KCNC1: variants seen among roughly 807,000 people sequenced by gnomAD.
KCNC1 encodes voltage-gated potassium channel KCNC1.
KCNC1 carries 8 observed loss-of-function variants against 43.4 expected under a neutral mutation model. That is an observed-to-expected ratio of 0.18 (90% CI 0.11 to 0.33). The LOEUF is 0.33. Ranked by LOEUF, KCNC1 falls within the 10% of genes least tolerant of loss-of-function variation. KCNC1 has a pLI of 1.00. For missense variants in KCNC1, 420 were observed against 836.0 expected, an observed-to-expected ratio of 0.50 and a Z score of 6.14; for synonymous variants, 361 against 360.5, an observed-to-expected ratio of 1.00 and a Z score of -0.01.
Position 17,779,310 on chromosome 11 carries a change from C to T in KCNC1, c.1505-146C>T. 1 of 636,878 alleles carries T rather than the reference C, an allele frequency of 1.6e-6. No homozygotes were observed. Among genetic ancestry groups the T allele is most frequent in the South Asian group, 2.2e-5 (1 of 44,702 alleles). The allele number at this position is 636,878 out of a possible 1,614,324, so 39.5% of individuals were successfully genotyped here. The stretch of plus-strand genomic sequence containing the variant: ...CCCCACCAAGCCCCCTGCCTTGTGC[C>T]CTCCTCGCTCCACAGCCTGCCCGCT... On this transcript the variant is annotated intron_variant, in intron 2 of 3. Transcript: ENST00000265969. The surrounding 1 kb of genome is among the most constrained non-coding windows in gnomAD (Gnocchi z 7.2).
chr11:17,770,272 G>C (rs538248547), intron 1 of KCNC1, among the ~76,000 whole-genome samples: 71 of 152,378 alleles, frequency 4.7e-4, no homozygotes, highest in Admixed American at 9.1e-4. Context: ...AAGGTGTCAC[G>C]CCTTGCAGAC....
rs1849287395 is a variant in KCNC1 at position 17,776,369 on chromosome 11, C to T, written c.1505-3087C>T. 1.0e-6 allele frequency: 1 copy of T among 985,388 alleles called. No homozygotes were observed. Among genetic ancestry groups the T allele is most frequent in the South Asian group, 4.7e-5 (1 of 21,280 alleles). 61.0% of individuals were successfully genotyped at this position (985,388 alleles called of 1,614,324 possible). A position where few individuals can be genotyped will look rare whatever the true frequency, so the allele number is the denominator to read the frequency against. ...CCTCAGGGCTAAACCCAAGGAAATG[C>T]CCAGCAACCCCCAACCCACCCCAGC... On this transcript the variant is annotated intron_variant, in intron 2 of 3. Coordinates refer to ENST00000265969, the MANE Select transcript of KCNC1 (RefSeq NM_001112741.2). The surrounding 1 kb of genome is among the most constrained non-coding windows in gnomAD (Gnocchi z 4.4).
chr11:17,747,813 C>T (rs1848917819), intron 1 of KCNC1, among the ~76,000 whole-genome samples: 1 of 152,218 alleles, frequency 6.6e-6, no homozygotes, highest in Non-Finnish European at 1.5e-5. Context: ...TGGCCAGCCC[C>T]AGCCCTTCCC....
chr11:17,781,435 G>C lies in KCNC1; in HGVS notation c.1694-235G>C, dbSNP rs2133811505. ...TCTGAGCCAGAAGGCATGCAGGTGT[G>C]TGAGTCAATGTGCAGAGCAGAAGTA... On this transcript the variant is annotated intron_variant, in intron 3 of 3. Coordinates refer to ENST00000265969, the MANE Select transcript of KCNC1 (RefSeq NM_001112741.2). The surrounding 1 kb of genome is among the most constrained non-coding windows in gnomAD (Gnocchi z 5.1). The C allele has an allele frequency of 2.0e-6, 1 of 499,202 alleles. No homozygotes were observed. The highest frequency in any genetic ancestry group is 3.3e-5 in the East Asian group (1 of 29,964). 30.9% of individuals were successfully genotyped at this position (499,202 alleles called of 1,614,324 possible). A position where few individuals can be genotyped will look rare whatever the true frequency, so the allele number is the denominator to read the frequency against.
chr11:17,782,088 A>C lies in KCNC1; in HGVS notation c.*354A>C, dbSNP rs1382269211. ...CTGAACAACAATAATGAAAAGAAAA[A>C]CATCAAAGCCCTCTATTTTCTTTCA... On this transcript the variant is annotated 3_prime_UTR_variant, in exon 4 of 4. Transcript: ENST00000265969. 1.7e-5 allele frequency: 4 copies of C among 236,154 alleles called. No individual in the cohort carries two copies. In the East Asian group the frequency reaches 3.5e-4, roughly 20 times the overall value. The allele number at this position is 236,154 out of a possible 1,614,324, so 14.6% of individuals were successfully genotyped here.
intron 1 of KCNC1, among the ~76,000 whole-genome samples, chr11:17,749,541 C>A (rs1399829669): frequency 6.6e-6 from 1 of 152,198 alleles, no homozygotes; most frequent in African/African-American, 2.4e-5. Context: ...GAACACACCT[C>A]AGGCCACAGC....
chr11:17,771,567 G>A lies in KCNC1; in HGVS notation c.571-98G>A. On this transcript the variant is annotated intron_variant, in intron 1 of 3. Coordinates refer to ENST00000265969, the MANE Select transcript of KCNC1 (RefSeq NM_001112741.2). This position sits in a 1 kb window ranked among gnomAD's most constrained non-coding sequence, Gnocchi z 4.7. ...ACGTGCTGCAGGGGGCCTGGTGCTG[G>A]CATCTCCCCCCGCCTGGCCCTGGGA... is the stretch of plus-strand genomic sequence containing the variant. 9.7e-7 allele frequency: 1 copy of A among 1,033,582 alleles called. No homozygotes were observed. The highest frequency in any genetic ancestry group is 1.4e-6 in the Non-Finnish European group (1 of 699,192). The allele number at this position is 1,033,582 out of a possible 1,614,324, so 64.0% of individuals were successfully genotyped here.
At chr11:17,761,682 G>A (rs1849080426) in intron 1 of KCNC1, among the ~76,000 whole-genome samples, 1 of 152,162 alleles carries the variant, frequency 6.6e-6, no homozygotes, top group Admixed American at 6.5e-5. Context: ...AGCACCTACC[G>A]TGGTCCGTTA....
intron 1 of KCNC1, among the ~76,000 whole-genome samples, chr11:17,741,487 C>T (rs534766329): frequency 1.5e-3 from 221 of 152,260 alleles, no homozygotes; most frequent in African/African-American, 5.1e-3. Flanking sequence ...CCTCCATGTT[C>T]ACCATCCTGG....
rs1199190377 is a variant in KCNC1 at position 17,739,797 on chromosome 11, G to A, written c.570+3225G>A. ...AAGGTGTGTGTAAGACAGAGATTGT[G>A]TGTGAAATCCTGTGTGTGACAGTGT... On this transcript the variant is annotated intron_variant, in intron 1 of 3. Coordinates refer to ENST00000265969, the MANE Select transcript of KCNC1 (RefSeq NM_001112741.2). This position sits in a 1 kb window ranked among gnomAD's most constrained non-coding sequence, Gnocchi z 4.2. 6.6e-6 allele frequency among the ~76,000 whole-genome samples: 1 copy of A among 152,032 alleles called. No individual in the cohort carries two copies. The highest frequency in any genetic ancestry group is 2.4e-5 in the African/African-American group (1 of 41,372).
Position 17,776,419 on chromosome 11 carries a change from G to T in KCNC1, c.1505-3037G>T. 1.0e-6 allele frequency: 1 copy of T among 985,430 alleles called. No individual in the cohort carries two copies. The highest frequency in any genetic ancestry group is 1.2e-6 in the Non-Finnish European group (1 of 829,952). The allele number at this position is 985,430 out of a possible 1,614,324, so 61.0% of individuals were successfully genotyped here. A position where few individuals can be genotyped will look rare whatever the true frequency, so the allele number is the denominator to read the frequency against. On this transcript the variant is annotated intron_variant, in intron 2 of 3. Transcript: ENST00000265969. This position sits in a 1 kb window ranked among gnomAD's most constrained non-coding sequence, Gnocchi z 4.4. ...CCCCGCGTGCGCCCCTCCGGTGCCC[G>T]CAGCTGGTGTGAACAGTAAGTACTT...
At chr11:17,763,498 C>A (rs1017955312) in intron 1 of KCNC1, among the ~76,000 whole-genome samples, 3 of 151,534 alleles carry the variant, frequency 2.0e-5, no homozygotes, top group Non-Finnish European at 4.4e-5. Context: ...CTGCCCCCCA[C>A]ACACACTCCC....
At position 17,783,026 on chromosome 11, in the gene KCNC1, C is replaced by T. The variant is rs1849364262; in HGVS notation, c.*1292C>T. 6.6e-6 allele frequency: 1 copy of T among 152,158 alleles called. No individual in the cohort carries two copies. The highest frequency in any genetic ancestry group is 1.5e-5 in the Non-Finnish European group (1 of 68,038). The allele number at this position is 152,158 out of a possible 1,614,324, so 9.4% of individuals were successfully genotyped here. ...AACCTCCCCTCCCTGGGCCCTGGCC[C>T]CCAATAATAAAAAACTGACTTTTGA... On this transcript the variant is annotated 3_prime_UTR_variant, in exon 4 of 4. Coordinates refer to ENST00000265969, the MANE Select transcript of KCNC1 (RefSeq NM_001112741.2).
At chr11:17,775,281 T>TGCCCACCC in intron 2 of KCNC1, 6 of 935,814 alleles carry the variant, frequency 6.4e-6, no homozygotes, top group Non-Finnish European at 7.6e-6. Context: ...TCTGAGGGCA[T>TGCCCACCC]CCCTCCCGCC....
At chr11:17,759,823 TA>T (rs1849058493) in intron 1 of KCNC1, among the ~76,000 whole-genome samples, 1 of 152,154 alleles carries the variant, frequency 6.6e-6, no homozygotes, top group Non-Finnish European at 1.5e-5. Flanking sequence ...GATATAATAA[TA>T]ATGACAATTT....
At position 17,776,263 on chromosome 11, in the gene KCNC1, G is replaced by A. The variant is rs147007362; in HGVS notation, c.1505-3193G>A. On this transcript the variant is annotated intron_variant, in intron 2 of 3. Transcript: ENST00000265969. This position sits in a 1 kb window ranked among gnomAD's most constrained non-coding sequence, Gnocchi z 4.4. ...TGTTGCATGACTTGTGCCGGTTCTC[G>A]TGATTGTTCCCTGCTCGTGTCTCAC... is the stretch of plus-strand genomic sequence containing the variant. The A allele has an allele frequency of 1.2e-3, 1,221 of 985,226 alleles. 3 individuals carry two copies. The highest frequency in any genetic ancestry group is 3.1e-3 in the Middle Eastern group (6 of 1,910). The allele number at this position is 985,226 out of a possible 1,614,324, so 61.0% of individuals were successfully genotyped here.
chr11:17,774,367 C>T (rs1443646509), intron 2 of KCNC1: 1 of 985,436 alleles, frequency 1.0e-6, no homozygotes, highest in African/African-American at 1.7e-5. Flanking sequence ...GGCCCTTCCC[C>T]TGCATCCTCC....
At chr11:17,751,691 C>G (rs1267980424) in intron 1 of KCNC1, among the ~76,000 whole-genome samples, 1 of 152,168 alleles carries the variant, frequency 6.6e-6, no homozygotes, top group Non-Finnish European at 1.5e-5. Context: ...TGGCAGAGAA[C>G]CAGGACCAGG....
intron 1 of KCNC1, among the ~76,000 whole-genome samples, chr11:17,750,923 A>T (rs10766427): frequency 0.3 from 45,121 of 152,006 alleles, 7,040 homozygotes; most frequent in African/African-American, 0.37. Context: ...TCATTCTGTG[A>T]CTCTCAGACT....
Sources: allele counts gnomAD v4.1 joint callset (sites outside exome capture counted in the v4.1 genomes callset), GRCh38; gene constraint gnomAD v4.1.1; non-coding constraint Gnocchi (gnomAD v3.1); transcripts MANE v1.5; gene names NCBI Gene and HGNC (gene_info 2026-07-23, HGNC 2026-07-21).